The following SDK2 variants were observed in gnomAD, a reference collection of about 807,000 sequenced individuals.
The protein encoded by SDK2 is protein sidekick-2.
A neutral mutation model predicts 253.9 loss-of-function variants in SDK2; 105 were observed. The observed-to-expected ratio is 0.41, with a 90% CI of 0.35 to 0.49. The LOEUF is 0.49. Among genes scored for constraint, SDK2 ranks in the 20% least tolerant of loss-of-function variants. The pLI is 0.06. For synonymous variants in SDK2, 1,249 were observed against 1,234.9 expected, an observed-to-expected ratio of 1.01 and a Z score of -0.24; for missense variants, 2,608 against 3,003.0, an observed-to-expected ratio of 0.87 and a Z score of 3.07.
At chr17:73,550,522 T>A (rs1234151847) in intron 1 of SDK2, among the ~76,000 whole-genome samples, 2 of 149,482 alleles carry the variant, frequency 1.3e-5, no homozygotes, top group African/African-American at 4.9e-5. Flanking sequence ...GGCGGGGGAG[T>A]CAGGGTGGCG....
chr17:73,506,247 C>T (rs1289502303), intron 2 of SDK2, among the ~76,000 whole-genome samples: 1 of 152,222 alleles, frequency 6.6e-6, no homozygotes, highest in Non-Finnish European at 1.5e-5. Context: ...CTGAAAACCA[C>T]AGAAGGGGCT....
At chr17:73,631,780 C>T (rs914513250) in intron 1 of SDK2, among the ~76,000 whole-genome samples, 3 of 152,198 alleles carry the variant, frequency 2.0e-5, no homozygotes, top group Admixed American at 1.3e-4. Flanking sequence ...GGCTGGTCTT[C>T]TGGGAGCCTC....
At chr17:73,585,866 C>T (rs185322256) in intron 1 of SDK2, among the ~76,000 whole-genome samples, 7 of 152,308 alleles carry the variant, frequency 4.6e-5, no homozygotes, top group Admixed American at 1.3e-4. Context: ...CCAATTTCCA[C>T]GTCTCTAACA....
chr17:73,425,405 T>A (rs747678855), intron 12 of SDK2, among the ~76,000 whole-genome samples: 2 of 152,258 alleles, frequency 1.3e-5, no homozygotes, highest in South Asian at 4.1e-4. Flanking sequence ...CCCGCCCGGA[T>A]AGGCAGTGCA....
intron 1 of SDK2, among the ~76,000 whole-genome samples, chr17:73,608,117 C>T (rs1361419996): frequency 2.6e-5 from 4 of 152,208 alleles, no homozygotes; most frequent in African/African-American, 9.6e-5. Flanking sequence ...TCCCACATTA[C>T]GTTTCACCGT....
At chr17:73,522,754 C>T (rs190787840) in intron 1 of SDK2, among the ~76,000 whole-genome samples, 320 of 152,324 alleles carry the variant, frequency 2.1e-3, no homozygotes, top group Middle Eastern at 0.01. Flanking sequence ...GCAGCTGATA[C>T]CAGGGAAGAG....
intron 15 of SDK2, 55 bp downstream of exon 15, chr17:73,422,232 A>G: frequency 1.3e-6 from 2 of 1,595,028 alleles, no homozygotes; most frequent in Non-Finnish European, 1.7e-6. Flanking sequence ...TTTCGGCTGC[A>G]GCCCCTGCCT....
chr17:73,643,972 C>A lies in SDK2; in HGVS notation c.64+53G>T. 2.8e-6 allele frequency: 3 copies of A among 1,057,692 alleles called. No individual in the cohort carries two copies. Among genetic ancestry groups the A allele is most frequent in the South Asian group, 2.7e-5 (2 of 73,228 alleles). 65.5% of individuals were successfully genotyped at this position (1,057,692 alleles called of 1,614,324 possible). The stretch of plus-strand genomic sequence containing the variant: ...GCCGGCCAGCTCCCGCCGCCCCTCC[C>A]CCGCCCACTCTCCCAGCCCCCTCCC... On this transcript the variant is annotated intron_variant, in intron 1 of 44. Coordinates refer to ENST00000392650, the MANE Select transcript of SDK2 (RefSeq NM_001144952.2). The surrounding 1 kb of genome is among the most constrained non-coding windows in gnomAD (Gnocchi z 6.9).
rs982704163 is a variant in SDK2, at chr17:73,447,378, G to A, written c.613+237C>T. Among the ~76,000 whole-genome samples the A allele has an allele frequency of 2.0e-5, 3 of 151,970 alleles. No individual in the cohort carries two copies. The highest frequency in any genetic ancestry group is 2.9e-5 in the Non-Finnish European group (2 of 67,998). On this transcript the variant is annotated intron_variant, in intron 5 of 44. Transcript: ENST00000392650. This position sits in a 1 kb window ranked among gnomAD's most constrained non-coding sequence, Gnocchi z 4.0. ...AGTTGTGCTAAGCATCCTCTCTACC[G>A]ATGCAGGATCTCAGGCGTGTCATGG... is the stretch of plus-strand genomic sequence containing the variant.
chr17:73,423,915 C>T lies in SDK2; in HGVS notation c.1760+1G>A. The stretch of plus-strand genomic sequence containing the variant: ...CCGGGGTCTGGGAGGGCTGCCCTTA[C>T]CTGACTCGCAGGTGGGCACTGCGAG... On this transcript the variant is annotated splice_donor_variant, in intron 13 of 44. Coordinates refer to ENST00000392650, the MANE Select transcript of SDK2 (RefSeq NM_001144952.2). LOFTEE classifies it high-confidence loss of function. The T allele has an allele frequency of 6.4e-7, 1 of 1,565,818 alleles. No homozygotes were observed. Among genetic ancestry groups the T allele is most frequent in the Non-Finnish European group, 8.7e-7 (1 of 1,154,266 alleles).
chr17:73,413,559 G>A (rs373824004), intron 18 of SDK2, among the ~76,000 whole-genome samples: 8 of 152,220 alleles, frequency 5.3e-5, no homozygotes, highest in Admixed American at 2.6e-4. Context: ...TCCAGTCTGT[G>A]GTACTTGGTT....
chr17:73,503,248 G>A (rs961699201), intron 2 of SDK2, among the ~76,000 whole-genome samples: 4 of 152,230 alleles, frequency 2.6e-5, no homozygotes, highest in Admixed American at 6.5e-5. Flanking sequence ...CTGGGATAAA[G>A]GTACGTCCAT....
chr17:73,504,219 AG>A, intron 2 of SDK2: 1 of 131,214 alleles, frequency 7.6e-6, no homozygotes, highest in South Asian at 2.5e-4. Flanking sequence ...TGTGTGTGAG[AG>A]AGAGAGAGAG....
chr17:73,401,553 A>C lies in SDK2; in HGVS notation c.2779+101T>G, dbSNP rs181119316. On this transcript the variant is annotated intron_variant, in intron 20 of 44. Transcript: ENST00000392650. ...TTCTAAGAAAGCATGGGTTGGCTTCAAGAGTTTGGGTGAAAAGTAGCTCAA... is the reference window on the plus strand; with the variant it reads ...TTCTAAGAAAGCATGGGTTGGCTTCCAGAGTTTGGGTGAAAAGTAGCTCAA... 28 of 1,142,448 alleles carry C rather than the reference A, an allele frequency of 2.5e-5. 1 individual carries two copies. The Admixed American group carries it at 4.0e-4, about 16-fold the overall frequency. 70.8% of individuals were successfully genotyped at this position (1,142,448 alleles called of 1,614,324 possible). A position where few individuals can be genotyped will look rare whatever the true frequency, so the allele number is the denominator to read the frequency against.
intron 2 of SDK2, among the ~76,000 whole-genome samples, chr17:73,483,603 G>GTGTATATATA (rs1259596810): frequency 7.4e-6 from 1 of 135,538 alleles, no homozygotes; most frequent in Non-Finnish European, 1.6e-5. Flanking sequence ...ATATATGTAT[G>GTGTATATATA]TGTATATATA....
At chr17:73,551,327 G>GC (rs2045054999) in intron 1 of SDK2, among the ~76,000 whole-genome samples, 1 of 152,172 alleles carries the variant, frequency 6.6e-6, no homozygotes, top group Non-Finnish European at 1.5e-5. Context: ...CAGAGACCTT[G>GC]CCCACCAGGA....
chr17:73,338,569 C>T lies in SDK2; in HGVS notation c.*18G>A, dbSNP rs1250534188. ...GAGTTTGGTGCCATTTCTCTTTCTGCTTTTTCCTCTTCTGATGTCAAACAA... is the reference window on the plus strand; with the variant it reads ...GAGTTTGGTGCCATTTCTCTTTCTGTTTTTTCCTCTTCTGATGTCAAACAA... On this transcript the variant is annotated 3_prime_UTR_variant, in exon 45 of 45. Transcript: ENST00000392650. This position sits in a 1 kb window ranked among gnomAD's most constrained non-coding sequence, Gnocchi z 5.0. The T allele has an allele frequency of 2.8e-6, 4 of 1,445,252 alleles. No individual in the cohort carries two copies. Among genetic ancestry groups the T allele is most frequent in the East Asian group, 2.3e-5 (1 of 43,728 alleles). The allele number at this position is 1,445,252 out of a possible 1,614,324, so 89.5% of individuals were successfully genotyped here. A position where few individuals can be genotyped will look rare whatever the true frequency, so the allele number is the denominator to read the frequency against.
In SDK2 at chr17:73,384,008, G is replaced by T; in HGVS notation, c.4573C>A (p.Pro1525Thr). The change falls in exon 33 of 45, where the codon CCA becomes ACA. Residue 1525 changes from proline to threonine, a missense_variant. Pro to Thr is a conservative substitution (Grantham distance 38, BLOSUM62 -1). Around this residue, in one of 2 missense-constraint regions of SDK2, gnomAD observed 1,103 missense variants for 1,143.9 expected, o/e 0.96. Coordinates refer to ENST00000392650, the MANE Select transcript of SDK2 (RefSeq NM_001144952.2). Reference protein sequence around the residue: ...TTSVLIRWQPPAEDKINGILL... With the variant: ...TTSVLIRWQPTAEDKINGILL... ...ATGCCATTGATCTTGTCCTCTGCTG[G>T]CGGCTGCAGGAAGGGAGTAGGGCAT... is the stretch of plus-strand genomic sequence containing the variant. 1 of 1,613,484 alleles carries T rather than the reference G, an allele frequency of 6.2e-7. No individual in the cohort carries two copies. Among genetic ancestry groups the T allele is most frequent in the Non-Finnish European group, 8.5e-7 (1 of 1,179,744 alleles).
intron 36 of SDK2, among the ~76,000 whole-genome samples, chr17:73,371,909 G>A (rs1473947839): frequency 1.1e-4 from 17 of 151,336 alleles, no homozygotes; most frequent in Non-Finnish European, 1.9e-4. Flanking sequence ...GCAGTGAGCT[G>A]AGATAGCACC....
Sources: allele counts gnomAD v4.1 joint callset (sites outside exome capture counted in the v4.1 genomes callset), GRCh38; gene constraint gnomAD v4.1.1; regional missense constraint gnomAD v4.1.1; non-coding constraint Gnocchi (gnomAD v3.1); transcripts MANE v1.5; gene names NCBI Gene and HGNC (gene_info 2026-07-23, HGNC 2026-07-21).